ALS2: variants seen among roughly 807,000 people sequenced by gnomAD.
ALS2 encodes alsin.
In ALS2, 117 loss-of-function variants were observed where a neutral mutation model predicts 203.4. The observed-to-expected ratio is 0.58, with a 90% CI of 0.50 to 0.67. The LOEUF (loss-of-function observed/expected upper bound fraction) is 0.67, where lower values mean the gene tolerates loss of function less well. Among genes scored for constraint, ALS2 ranks in the 30% least tolerant of loss-of-function variants. The pLI is 0.00. For synonymous variants in ALS2, 718 were observed against 725.9 expected (o/e 0.99, Z 0.17); for missense variants, 1,715 against 1,989.4 (o/e 0.86, Z 2.62).
chr2:201,771,503 C>G lies in ALS2; in HGVS notation c.-60-2558G>C, dbSNP rs562334663. 6.6e-5 allele frequency among the ~76,000 whole-genome samples: 10 copies of G among 152,212 alleles called. No homozygotes were observed. In the South Asian group the frequency reaches 1.9e-3, roughly 28 times the overall value. On this transcript the variant is annotated intron_variant, in intron 1 of 33. Coordinates refer to ENST00000264276, the MANE Select transcript of ALS2 (RefSeq NM_020919.4). The stretch of plus-strand genomic sequence containing the variant: ...GAATATTGCAACTAAATGTGGGGAT[C>G]TTATGTTATTAAAGTTTTATCCTCA...
rs1692032113 is a variant in ALS2 at position 201,738,575 on chromosome 2, A to T, written c.2417+95T>A. ...TTTTGACTTGTTTGGTAAAATGATG[A>T]AGTCAAAGCTTTCCCTGAGCACTCG... is the stretch of plus-strand genomic sequence containing the variant. On this transcript the variant is annotated intron_variant, in intron 12 of 33. Transcript: ENST00000264276. 9.2e-6 allele frequency: 11 copies of T among 1,197,696 alleles called. No individual in the cohort carries two copies. In the South Asian group the frequency reaches 1.4e-4, roughly 15 times the overall value. The allele number at this position is 1,197,696 out of a possible 1,614,324, so 74.2% of individuals were successfully genotyped here. A position where few individuals can be genotyped will look rare whatever the true frequency, so the allele number is the denominator to read the frequency against.
Position 201,718,189 on chromosome 2 carries a change from C to T in ALS2, c.3724G>A (p.Gly1242Arg). 6.2e-7 allele frequency: 1 copy of T among 1,613,456 alleles called. No individual in the cohort carries two copies. The highest frequency in any genetic ancestry group is 8.5e-7 in the Non-Finnish European group (1 of 1,179,460). The change falls in exon 24 of 34, where the codon GGA (glycine) becomes AGA (arginine). Residue 1242 changes from glycine to arginine, a missense_variant. Around this residue, in one of 3 missense-constraint regions of ALS2, gnomAD observed 1,227 missense variants for 1,413.5 expected, o/e 0.87. Coordinates refer to ENST00000264276, the MANE Select transcript of ALS2 (RefSeq NM_020919.4). ...CTAAAATAACCTTCAATGTAGTCTC[C>T]ATTTGGCATAGTCAGTGTTCCCTAG... ...SGKGTLTMPN[G>R]DYIEGYFSGE...
chr2:201,760,672 T>C (rs914273100), intron 4 of ALS2: 3 of 1,365,642 alleles, frequency 2.2e-6, no homozygotes, highest in Admixed American at 3.4e-5. Flanking sequence ...CACCTTTCAA[T>C]ATCATAAAGG....
chr2:201,758,136 T>A (rs1466820695), intron 4 of ALS2, among the ~76,000 whole-genome samples: 2 of 152,062 alleles, frequency 1.3e-5, no homozygotes, highest in Non-Finnish European at 2.9e-5. Flanking sequence ...GACAGAAGAT[T>A]GAAAAAATGC....
chr2:201,746,377 T>A (rs2106055954), intron 9 of ALS2, among the ~76,000 whole-genome samples, 189 bp downstream of exon 9: 1 of 152,302 alleles, frequency 6.6e-6, no homozygotes, highest in Non-Finnish European at 1.5e-5. Context: ...TTATATAGTG[T>A]ATTCGATGGT....
Position 201,757,450 on chromosome 2 carries a change from TTTC to T in ALS2, c.1420_1422del (p.Glu474del), listed in dbSNP as rs1693465927. The T allele has an allele frequency of 5.6e-6, 9 of 1,614,092 alleles. No individual in the cohort carries two copies. The highest frequency in any genetic ancestry group is 7.6e-6 in the Non-Finnish European group (9 of 1,179,992). ...GAGAGTCTTCGACTGCCTCCCTCTG[TTTC>T]TTCTTCTCTGATATCCACAAGACTT... On this transcript the variant is annotated inframe_deletion, in exon 5 of 34. Coordinates refer to ENST00000264276, the MANE Select transcript of ALS2 (RefSeq NM_020919.4).
rs555808025 is a variant in ALS2 at position 201,700,825 on chromosome 2, G to A, written c.*1026C>T. 6.6e-6 allele frequency: 1 copy of A among 152,508 alleles called. No individual in the cohort carries two copies. The highest frequency in any genetic ancestry group is 1.9e-4 in the East Asian group (1 of 5,176). 9.4% of individuals were successfully genotyped at this position (152,508 alleles called of 1,614,324 possible). On this transcript the variant is annotated 3_prime_UTR_variant, in exon 34 of 34. Coordinates refer to ENST00000264276, the MANE Select transcript of ALS2 (RefSeq NM_020919.4). Reference sequence around the variant, plus strand: ...CAGTATAAACCAACAACTTACAATAGGGCATTTTTTAAAAAGCAAAACACT... The same window carrying A: ...CAGTATAAACCAACAACTTACAATAAGGCATTTTTTAAAAAGCAAAACACT...
intron 25 of ALS2, among the ~76,000 whole-genome samples, chr2:201,712,778 A>G (rs1343251676): frequency 6.6e-6 from 1 of 151,756 alleles, no homozygotes; most frequent in Non-Finnish European, 1.5e-5. Context: ...AAGAAGGTGA[A>G]AAAGAAAATT....
rs1691345925 is a variant in ALS2, at chr2:201,728,600, C to T, written c.2753G>A (p.Ser918Asn). Reference sequence around the variant, plus strand: ...CTGCAGAGACAGGGCTCGGTTACTACTCTCACACAGCAGTCGACGCTCTGG... The same window carrying T: ...CTGCAGAGACAGGGCTCGGTTACTATTCTCACACAGCAGTCGACGCTCTGG... Reference protein sequence around the residue: ...RKPERRLLCESSNRALSLQHA... With the variant: ...RKPERRLLCENSNRALSLQHA... The change falls in exon 15 of 34, where the codon AGT becomes AAT. Residue 918 changes from serine (S) to asparagine (N), a missense_variant. Ser to Asn is a conservative substitution (Grantham distance 46). Coordinates refer to ENST00000264276, the MANE Select transcript of ALS2 (RefSeq NM_020919.4). The T allele has an allele frequency of 2.5e-6, 4 of 1,614,022 alleles. No individual in the cohort carries two copies. Among genetic ancestry groups the T allele is most frequent in the Non-Finnish European group, 3.4e-6 (4 of 1,180,014 alleles).
At chr2:201,720,714 A>AACAC (rs146362505) in intron 23 of ALS2, among the ~76,000 whole-genome samples, 24 of 149,072 alleles carry the variant, frequency 1.6e-4, no homozygotes, top group African/African-American at 3.7e-4. Flanking sequence ...ACACTATCTC[A>AACAC]ACACACACAC....
intron 7 of ALS2, 107 bp from the exon 8 acceptor site, chr2:201,749,896 T>C: frequency 1.2e-6 from 1 of 822,310 alleles, no homozygotes; most frequent in Non-Finnish European, 2.1e-6. Context: ...CCAACAATTA[T>C]ACATTAAGTA....
At chr2:201,745,131 T>C (rs1192512560) in intron 9 of ALS2, among the ~76,000 whole-genome samples, 1 of 152,238 alleles carries the variant, frequency 6.6e-6, no homozygotes, top group Admixed American at 6.5e-5. Context: ...ATCGTCTATC[T>C]AGACTGTGAA....
intron 10 of ALS2, among the ~76,000 whole-genome samples, chr2:201,743,967 C>A (rs569080661): frequency 3.9e-5 from 6 of 152,278 alleles, no homozygotes; most frequent in African/African-American, 1.4e-4. Flanking sequence ...TATGTAGGGT[C>A]AACTTTCCCA....
intron 25 of ALS2, among the ~76,000 whole-genome samples, chr2:201,713,739 G>T (rs979515817): frequency 4.8e-5 from 7 of 145,830 alleles, no homozygotes; most frequent in African/African-American, 1.8e-4. Context: ...GATTGCACAT[G>T]TGAGTATTTT....
intron 3 of ALS2, among the ~76,000 whole-genome samples, chr2:201,762,134 T>C (rs1180658706): frequency 1.3e-5 from 2 of 152,204 alleles, no homozygotes; most frequent in Non-Finnish European, 2.9e-5. Context: ...CAGGCTATTA[T>C]AGAAACAGAT....
At chr2:201,717,930 C>A (rs372162225) in intron 24 of ALS2, 147 bp downstream of exon 24, 100 of 768,530 alleles carry the variant, frequency 1.3e-4, no homozygotes, top group South Asian at 2.8e-4. Context: ...CAGAGTGACA[C>A]CCTGTCTCAA....
At chr2:201,746,370 T>TATA (rs1454094124) in intron 9 of ALS2, among the ~76,000 whole-genome samples, 196 bp downstream of exon 9, 4 of 152,206 alleles carry the variant, frequency 2.6e-5, no homozygotes, top group Admixed American at 2.6e-4. Context: ...GAGTAAATTA[T>TATA]ATAGTGTATT....
At position 201,768,764 on chromosome 2, in the gene ALS2, A is replaced by C. The variant is rs1232141583; in HGVS notation, c.20+102T>G. On this transcript the variant is annotated intron_variant, in intron 2 of 33. Transcript: ENST00000264276. Reference sequence around the variant, plus strand: ...ACAAATGTCACTATTCCCACTTAACAACCATCAACAAGAAAATTAAACTGA... The same window carrying C: ...ACAAATGTCACTATTCCCACTTAACCACCATCAACAAGAAAATTAAACTGA... 8 of 1,172,508 alleles carry C rather than the reference A, an allele frequency of 6.8e-6. No homozygotes were observed. The East Asian group carries it at 1.9e-4, about 28-fold the overall frequency. 72.6% of individuals were successfully genotyped at this position (1,172,508 alleles called of 1,614,324 possible). A position where few individuals can be genotyped will look rare whatever the true frequency, so the allele number is the denominator to read the frequency against.
chr2:201,770,716 T>C (rs1322280604), intron 1 of ALS2, among the ~76,000 whole-genome samples: 1 of 152,102 alleles, frequency 6.6e-6, no homozygotes, highest in Non-Finnish European at 1.5e-5. Flanking sequence ...CAAAGAGACA[T>C]GATGATGGAG....
Sources: allele counts gnomAD v4.1 joint callset (sites outside exome capture counted in the v4.1 genomes callset), GRCh38; gene constraint gnomAD v4.1.1; regional missense constraint gnomAD v4.1.1; transcripts MANE v1.5; gene names NCBI Gene and HGNC (gene_info 2026-07-23, HGNC 2026-07-21).